SH3GL3: variants seen among roughly 807,000 people sequenced by gnomAD.
The protein encoded by SH3GL3 is endophilin-A3.
SH3GL3 carries 33 observed loss-of-function variants against 47.7 expected under a neutral mutation model. The ratio of observed to expected loss-of-function variants is 0.69; its 90% CI spans 0.52 to 0.92. SH3GL3 has a LOEUF of 0.92. Ranked by LOEUF, SH3GL3 falls within the 40% of genes least tolerant of loss-of-function variation. SH3GL3 has a pLI of 0.00. For missense variants in SH3GL3, 363 were observed against 417.8 expected, an observed-to-expected ratio of 0.87 and a Z score of 1.14; for synonymous variants, 155 against 148.8, an observed-to-expected ratio of 1.04 and a Z score of -0.30.
intron 1 of SH3GL3, among the ~76,000 whole-genome samples, chr15:83,464,689 G>A (rs1328233469): frequency 6.6e-6 from 1 of 152,054 alleles, no homozygotes; most frequent in East Asian, 1.9e-4. Context: ...CAATTCATCA[G>A]CAAGCCTTTC....
At chr15:83,479,016 G>T (rs923100738) in intron 1 of SH3GL3, among the ~76,000 whole-genome samples, 3 of 152,168 alleles carry the variant, frequency 2.0e-5, no homozygotes, top group African/African-American at 7.2e-5. Context: ...GGAGCAGAAC[G>T]CCTGCTTGGG....
intron 1 of SH3GL3, among the ~76,000 whole-genome samples, chr15:83,531,196 T>C (rs910004169): frequency 6.6e-5 from 10 of 152,198 alleles, no homozygotes; most frequent in African/African-American, 2.4e-4. Flanking sequence ...TGAGTAATAT[T>C]CATGAGTAAG....
intron 8 of SH3GL3, among the ~76,000 whole-genome samples, chr15:83,593,453 A>T (rs974795139): frequency 6.6e-6 from 1 of 152,182 alleles, no homozygotes; most frequent in Non-Finnish European, 1.5e-5. Context: ...TTATATCTTT[A>T]TGCAATTGCA....
At chr15:83,477,316 C>A (rs138109926) in intron 1 of SH3GL3, among the ~76,000 whole-genome samples, 20 of 152,246 alleles carry the variant, frequency 1.3e-4, no homozygotes, top group Middle Eastern at 6.8e-3. Flanking sequence ...TTTAATAATT[C>A]CAACTTCATC....
chr15:83,608,317 T>A (rs542937982), intron 8 of SH3GL3, among the ~76,000 whole-genome samples: 9 of 152,248 alleles, frequency 5.9e-5, no homozygotes, highest in African/African-American at 2.2e-4. Context: ...AATTTCCAGA[T>A]AAGGAAATCA....
chr15:83,529,232 G>T (rs1412213939), intron 1 of SH3GL3, among the ~76,000 whole-genome samples: 1 of 152,230 alleles, frequency 6.6e-6, no homozygotes. Flanking sequence ...CCATTAGGCT[G>T]CTGGGCAGTG....
At chr15:83,453,681 A>G (rs2039888096) in intron 1 of SH3GL3, among the ~76,000 whole-genome samples, 1 of 113,610 alleles carries the variant, frequency 8.8e-6, no homozygotes, top group Non-Finnish European at 1.8e-5. Flanking sequence ...TATTGTGTCT[A>G]TTTGATTCTT....
At chr15:83,529,835 G>T (rs1342602909) in intron 1 of SH3GL3, among the ~76,000 whole-genome samples, 1 of 152,126 alleles carries the variant, frequency 6.6e-6, no homozygotes, top group Non-Finnish European at 1.5e-5. Flanking sequence ...ATGACAGTGG[G>T]CAGGGAGCCT....
chr15:83,456,817 C>T (rs1487934450), intron 1 of SH3GL3, among the ~76,000 whole-genome samples: 1 of 152,124 alleles, frequency 6.6e-6, no homozygotes, highest in Non-Finnish European at 1.5e-5. Flanking sequence ...TCCTATTCGG[C>T]CATCTTGGCT....
intron 1 of SH3GL3, among the ~76,000 whole-genome samples, chr15:83,464,665 C>G (rs575021257): frequency 6.6e-6 from 1 of 152,174 alleles, no homozygotes; most frequent in African/African-American, 2.4e-5. Flanking sequence ...CTTGACATTT[C>G]TTTCCCTTAT....
chr15:83,502,603 G>T (rs1447164786), intron 1 of SH3GL3, among the ~76,000 whole-genome samples: 1 of 152,174 alleles, frequency 6.6e-6, no homozygotes, highest in African/African-American at 2.4e-5. Flanking sequence ...CTATCACCTG[G>T]GTTGGAGTGC....
At chr15:83,531,418 T>C (rs1196069192) in intron 1 of SH3GL3, among the ~76,000 whole-genome samples, 2 of 151,968 alleles carry the variant, frequency 1.3e-5, no homozygotes, top group Non-Finnish European at 2.9e-5. Context: ...TTCCAGGCAA[T>C]GGGAACAGCA....
intron 3 of SH3GL3, 33 bp from the exon 4 acceptor site, chr15:83,568,496 C>T (rs1251754788): frequency 1.3e-6 from 2 of 1,589,696 alleles, no homozygotes; most frequent in East Asian, 4.5e-5. Context: ...CACCTTGTAA[C>T]TTTAAAGAAT....
chr15:83,467,361 T>C (rs1013770341), intron 1 of SH3GL3, among the ~76,000 whole-genome samples: 1 of 152,248 alleles, frequency 6.6e-6, no homozygotes, highest in Non-Finnish European at 1.5e-5. Flanking sequence ...GTGGGTCTAC[T>C]CATGCCTTGC....
At chr15:83,476,564 G>A (rs1013331373) in intron 1 of SH3GL3, among the ~76,000 whole-genome samples, 4 of 152,162 alleles carry the variant, frequency 2.6e-5, no homozygotes, top group African/African-American at 9.7e-5. Flanking sequence ...GCTAAGAATG[G>A]TTTTTATAAT....
downstream of SH3GL3, among the ~76,000 whole-genome samples, chr15:83,622,726 A>G (rs1021953227): frequency 6.6e-6 from 1 of 152,236 alleles, no homozygotes; most frequent in African/African-American, 2.4e-5. Context: ...CTGCATCCAG[A>G]TAGTGTCTCA....
At chr15:83,453,398 G>C (rs2039868133) in intron 1 of SH3GL3, among the ~76,000 whole-genome samples, 1 of 90,752 alleles carries the variant, frequency 1.1e-5, no homozygotes, top group South Asian at 5.5e-4. Context: ...GTTCCTCCTT[G>C]TACCTCTGGT....
At chr15:83,561,958 C>G (rs1423078981) in intron 2 of SH3GL3, among the ~76,000 whole-genome samples, 1 of 150,392 alleles carries the variant, frequency 6.6e-6, no homozygotes, top group Admixed American at 6.7e-5. Context: ...ATTCTGCTTC[C>G]CTCTATTTTT....
chr15:83,460,370 C>T (rs553550488), intron 1 of SH3GL3, among the ~76,000 whole-genome samples: 2 of 151,992 alleles, frequency 1.3e-5, no homozygotes, highest in South Asian at 4.2e-4. Flanking sequence ...GTACTGGTTT[C>T]CTTGTTTACA....
Sources: gnomAD v4.1 joint callset for allele counts (sites outside exome capture counted in the v4.1 genomes callset) on GRCh38, gnomAD v4.1.1 for gene constraint, MANE v1.5 for transcripts, NCBI Gene and HGNC (gene_info 2026-07-23, HGNC 2026-07-21) for gene names.